The following RBL2 variants were observed in gnomAD, a reference collection of about 807,000 sequenced individuals.
RBL2 encodes the protein retinoblastoma-like protein 2.
A neutral mutation model predicts 126.0 loss-of-function variants in RBL2; 56 were observed. That is an observed-to-expected ratio of 0.44 (90% CI 0.36 to 0.56). The LOEUF (loss-of-function observed/expected upper bound fraction) is 0.56, where lower values mean the gene tolerates loss of function less well. Ranked by LOEUF, RBL2 falls within the 20% of genes least tolerant of loss-of-function variation. RBL2 has a pLI of 0.00. For missense variants in RBL2, 1,229 were observed against 1,398.2 expected (o/e 0.88, Z 1.93); for synonymous variants, 454 against 478.5 (o/e 0.95, Z 0.67).
intron 4 of RBL2, among the ~76,000 whole-genome samples, chr16:53,447,500 A>G (rs72801825): frequency 0.21 from 31,204 of 151,884 alleles, 4,322 homozygotes; most frequent in Middle Eastern, 0.36. Flanking sequence ...TTTTTTTTGT[A>G]TCTTGTTCAG....
At chr16:53,439,204 G>A (rs1298201337) in intron 2 of RBL2, 58 bp downstream of exon 2, 6 of 1,382,072 alleles carry the variant, frequency 4.3e-6, no homozygotes, top group Non-Finnish European at 5.8e-6. Flanking sequence ...ATAAATCATA[G>A]TGATAGTAAG....
Position 53,453,345 on chromosome 16 carries a change from G to A in RBL2, c.767-107G>A, listed in dbSNP as rs118059989. On this transcript the variant is annotated intron_variant, in intron 5 of 21. Transcript: ENST00000262133. Reference sequence around the variant, plus strand: ...CATATATACTGTTTCCTATACATTTGTATGCTAAGTGGTATACTGATTATA... The same window carrying A: ...CATATATACTGTTTCCTATACATTTATATGCTAAGTGGTATACTGATTATA... The A allele has an allele frequency of 3.7e-3, 3,675 of 1,004,430 alleles. 15 individuals are homozygous for A. The highest frequency in any genetic ancestry group is 4.4e-3 in the Non-Finnish European group (3,033 of 690,156). 62.2% of individuals were successfully genotyped at this position (1,004,430 alleles called of 1,614,324 possible). A position where few individuals can be genotyped will look rare whatever the true frequency, so the allele number is the denominator to read the frequency against.
intron 2 of RBL2, among the ~76,000 whole-genome samples, chr16:53,441,926 T>G (rs1052000181): frequency 3.9e-5 from 6 of 152,072 alleles, no homozygotes; most frequent in Non-Finnish European, 7.4e-5. Context: ...GTTTAAGTGA[T>G]TTTCCTGCCT....
rs1483067829 is a variant in RBL2, at chr16:53,461,733, T to A, written c.1347-8T>A. 2.6e-6 allele frequency: 4 copies of A among 1,559,962 alleles called. No homozygotes were observed. The highest frequency in any genetic ancestry group is 3.5e-6 in the Non-Finnish European group (4 of 1,154,164). On this transcript the variant is annotated splice_polypyrimidine_tract_variant and splice_region_variant and intron_variant, in intron 9 of 21. Transcript: ENST00000262133. ...TTAAATTATGTTATTTCTCATTACC[T>A]TTTTTAGGACATGTTCCAGAGATCC...
intron 5 of RBL2, among the ~76,000 whole-genome samples, chr16:53,452,746 A>C (rs2058127293): frequency 6.6e-6 from 1 of 151,994 alleles, no homozygotes; most frequent in Non-Finnish European, 1.5e-5. Context: ...AATTCACTGC[A>C]GCCTCAATCT....
At chr16:53,475,698 C>CT (rs1258705796) in intron 17 of RBL2, among the ~76,000 whole-genome samples, 1 of 151,680 alleles carries the variant, frequency 6.6e-6, no homozygotes. Context: ...ACTTTTTGCC[C>CT]TTTTCTGTTG....
chr16:53,482,207 C>T (rs1385546650), intron 21 of RBL2, among the ~76,000 whole-genome samples: 1 of 152,178 alleles, frequency 6.6e-6, no homozygotes, highest in Non-Finnish European at 1.5e-5. Flanking sequence ...GCAGTGTCCT[C>T]AGGACTCTGG....
rs1434596141 is a variant in RBL2, at chr16:53,442,761, T to A, written c.475T>A (p.Ser159Thr). 17 of 1,613,492 alleles carry A rather than the reference T, an allele frequency of 1.1e-5. No homozygotes were observed. The highest frequency in any genetic ancestry group is 1.4e-5 in the Non-Finnish European group (16 of 1,179,416). The change falls in exon 3 of 22, where the codon TCT (serine) becomes ACT (threonine). Residue 159 changes from serine (S) to threonine (T), a missense_variant. Around this residue, in one of 2 missense-constraint regions of RBL2, gnomAD observed 1,070 missense variants for 1,274.3 expected, o/e 0.84. Coordinates refer to ENST00000262133, the MANE Select transcript of RBL2 (RefSeq NM_005611.4). ...GAGATTAGAAAGAAACTTCACTGTT[T>A]CTGCTGTAATTTTTAAGAAATATGA... is the stretch of plus-strand genomic sequence containing the variant. ...TERLERNFTV[S>T]AVIFKKYEPI...
chr16:53,464,768 TAG>T (rs1423616392), intron 12 of RBL2: 1 of 154,584 alleles, frequency 6.5e-6, no homozygotes, highest in Non-Finnish European at 1.4e-5. Context: ...CAGAGAGGCA[TAG>T]AGTTAAAGCA....
intron 8 of RBL2, among the ~76,000 whole-genome samples, chr16:53,455,342 A>G (rs2058156965): frequency 1.3e-5 from 2 of 152,230 alleles, no homozygotes; most frequent in Admixed American, 1.3e-4. Context: ...AACAGAAAAC[A>G]CCAAACTTCT....
chr16:53,464,283 G>A lies in RBL2; in HGVS notation c.1618G>A (p.Val540Ile), dbSNP rs749309141. ...TCTCTTGGCCTGCTGCCTTGAGGTC[G>A]TCACTTTTTCTTATAAGCCTCCTGG... Reference protein sequence around the residue: ...RSLLACCLEVVTFSYKPPGNF... With the variant: ...RSLLACCLEVITFSYKPPGNF... Residue 540 changes from valine (V) to isoleucine (I), a missense_variant, in exon 12 of 22, where the codon GTC (valine) becomes ATC (isoleucine). Transcript: ENST00000262133. 25 of 1,602,370 alleles carry A rather than the reference G, an allele frequency of 1.6e-5. No homozygotes were observed. Among genetic ancestry groups the A allele is most frequent in the Middle Eastern group, 1.7e-4 (1 of 6,028 alleles).
chr16:53,438,931 C>A, intron 1 of RBL2, 85 bp from the exon 2 acceptor site: 11 of 749,572 alleles, frequency 1.5e-5, no homozygotes, highest in East Asian at 7.3e-5. Context: ...ATAAACAACA[C>A]TTTCAATTTA....
intron 17 of RBL2, among the ~76,000 whole-genome samples, chr16:53,477,155 T>C (rs1960755744): frequency 6.6e-6 from 1 of 151,974 alleles, no homozygotes; most frequent in African/African-American, 2.4e-5. Context: ...TTAATTCCAG[T>C]GAGATATAGG....
chr16:53,439,260 G>C, intron 2 of RBL2, 114 bp downstream of exon 2: 1 of 942,952 alleles, frequency 1.1e-6, no homozygotes, highest in South Asian at 3.6e-5. Flanking sequence ...CCTGTGGACT[G>C]GTGAAATTAG....
chr16:53,436,218 C>T (rs115444631), intron 1 of RBL2, among the ~76,000 whole-genome samples: 1,531 of 152,082 alleles, frequency 0.01, 35 homozygotes, highest in African/African-American at 0.035. Flanking sequence ...TCCAAACAAG[C>T]TCTTATTTTA....
intron 17 of RBL2, among the ~76,000 whole-genome samples, chr16:53,472,158 C>T (rs967904428): frequency 1.6e-4 from 24 of 152,258 alleles, no homozygotes; most frequent in African/African-American, 5.8e-4. Context: ...TTTCTCCACT[C>T]ATACACTGAT....
intron 21 of RBL2, among the ~76,000 whole-genome samples, chr16:53,487,351 G>A (rs1961215416): frequency 6.6e-6 from 1 of 152,192 alleles, no homozygotes; most frequent in Non-Finnish European, 1.5e-5. Context: ...TAGACACAGA[G>A]ATCAATAGAA....
chr16:53,454,541 A>G, intron 7 of RBL2, 115 bp from the exon 8 acceptor site: 1 of 986,370 alleles, frequency 1.0e-6, no homozygotes, highest in Non-Finnish European at 1.5e-6. Flanking sequence ...TACCCTACCA[A>G]AGTTTAACTT....
At chr16:53,486,833 A>T in intron 21 of RBL2, among the ~76,000 whole-genome samples, 1 of 152,228 alleles carries the variant, frequency 6.6e-6, no homozygotes, top group East Asian at 1.9e-4. Context: ...ATCACAAAGA[A>T]TCCACAAAAA....
Sources: allele counts gnomAD v4.1 joint callset (sites outside exome capture counted in the v4.1 genomes callset), GRCh38; gene constraint gnomAD v4.1.1; regional missense constraint gnomAD v4.1.1; transcripts MANE v1.5; gene names NCBI Gene and HGNC (gene_info 2026-07-23, HGNC 2026-07-21).